TANC2: variants seen among roughly 807,000 people sequenced by gnomAD.
TANC2 encodes protein TANC2.
Under a neutral mutation model 210.5 loss-of-function variants are expected in TANC2, and 26 were observed. The observed-to-expected ratio is 0.12, with a 90% CI of 0.09 to 0.17. TANC2 has a LOEUF of 0.17. Ranked by LOEUF, TANC2 falls within the 10% of genes least tolerant of loss-of-function variation. The pLI is 1.00. For missense variants in TANC2, 2,129 were observed against 2,608.9 expected, an observed-to-expected ratio of 0.82 and a Z score of 4.01; for synonymous variants, 931 against 967.1, an observed-to-expected ratio of 0.96 and a Z score of 0.69.
chr17:63,213,457 C>A (rs1008463718), intron 7 of TANC2, among the ~76,000 whole-genome samples: 3 of 152,106 alleles, frequency 2.0e-5, no homozygotes, highest in Non-Finnish European at 4.4e-5. Context: ...AATTACAGAG[C>A]CAGCTGACCA....
intron 2 of TANC2, among the ~76,000 whole-genome samples, chr17:63,035,752 GTA>G (rs1310651861): frequency 1.3e-5 from 2 of 152,218 alleles, no homozygotes; most frequent in African/African-American, 2.4e-5. Context: ...TCATGTGGTA[GTA>G]TATGTTTAAC....
chr17:63,056,229 A>AT (rs11332954), intron 2 of TANC2, among the ~76,000 whole-genome samples: 14 of 146,658 alleles, frequency 9.5e-5, no homozygotes, highest in South Asian at 8.6e-4. Flanking sequence ...GATTTTAATT[A>AT]TTTTTTTTAA....
chr17:63,078,314 G>T (rs932080839), intron 3 of TANC2, among the ~76,000 whole-genome samples: 2 of 152,034 alleles, frequency 1.3e-5, no homozygotes, highest in Non-Finnish European at 2.9e-5. Flanking sequence ...CTTTCTCACT[G>T]TCCTGATCAT....
Position 63,139,777 on chromosome 17 carries a change from G to A in TANC2, c.323-11493G>A, listed in dbSNP as rs180676376. On this transcript the variant is annotated intron_variant, in intron 4 of 27. Coordinates refer to ENST00000689528, the Ensembl canonical transcript of TANC2. ...AAATTAGCTGGGTGTGGTGGCATGC[G>A]CCTGTAACGCCAGCTACTCAGGAGG... 1.9e-3 allele frequency among the ~76,000 whole-genome samples: 290 copies of A among 152,244 alleles called. 3 individuals are homozygous for A. The highest frequency in any genetic ancestry group is 6.7e-3 in the African/African-American group (279 of 41,558).
chr17:63,420,609 C>T lies in TANC2; in HGVS notation c.4879C>T (p.Arg1627Trp), dbSNP rs769530509. The T allele has an allele frequency of 1.3e-5, 21 of 1,613,886 alleles. No homozygotes were observed. Among genetic ancestry groups the T allele is most frequent in the East Asian group, 4.5e-5 (2 of 44,872 alleles). The change falls in exon 28 of 28, where the codon CGG becomes TGG. Residue 1627 changes from arginine (R) to tryptophan (W), a missense_variant. By Grantham distance (101) the Arg-to-Trp change is moderately radical (BLOSUM62 -3). Transcript: ENST00000689528. This position sits in a 1 kb window ranked among gnomAD's most constrained non-coding sequence, Gnocchi z 4.2. ...CCCTCTCCGGAGAGGCCCTCAGTAT[C>T]GGGCCAGCCCTCCAGCTGAAAGTAT...
At chr17:63,200,269 C>T (rs2041482499) in intron 6 of TANC2, among the ~76,000 whole-genome samples, 1 of 148,330 alleles carries the variant, frequency 6.7e-6, no homozygotes, top group African/African-American at 2.5e-5. Flanking sequence ...GCAGGAGAAT[C>T]GCTTGAACCT....
chr17:63,102,628 C>T (rs1326930519), intron 4 of TANC2, among the ~76,000 whole-genome samples: 9 of 151,488 alleles, frequency 5.9e-5, no homozygotes, highest in Admixed American at 4.6e-4. Context: ...CCCCTCCTCC[C>T]TCCCCCCACC....
intron 3 of TANC2, among the ~76,000 whole-genome samples, chr17:63,080,390 T>G (rs75042932): frequency 0.016 from 2,405 of 152,328 alleles, 37 homozygotes; most frequent in Non-Finnish European, 0.019. Context: ...TGAAACCCAG[T>G]TTTTATTTTC....
chr17:63,027,903 G>T (rs1041233684), intron 2 of TANC2, among the ~76,000 whole-genome samples: 1 of 151,768 alleles, frequency 6.6e-6, no homozygotes, highest in African/African-American at 2.4e-5. Flanking sequence ...AACAAGTTCC[G>T]CACTCCCCCA....
chr17:63,153,808 GA>G (rs1225207254), intron 5 of TANC2: 1 of 152,138 alleles, frequency 6.6e-6, no homozygotes, highest in Non-Finnish European at 1.5e-5. Flanking sequence ...TTGTGTCTGA[GA>G]AATAGACTTA....
chr17:63,345,287 T>C (rs1201028950), intron 12 of TANC2, among the ~76,000 whole-genome samples: 1 of 152,210 alleles, frequency 6.6e-6, no homozygotes, highest in East Asian at 1.9e-4. Context: ...AAATGAGGAT[T>C]GGAAGATGTC....
chr17:63,322,462 C>T (rs987248486), intron 11 of TANC2, among the ~76,000 whole-genome samples: 7 of 152,138 alleles, frequency 4.6e-5, no homozygotes, highest in African/African-American at 1.7e-4. Context: ...CGCACCACTG[C>T]ACTCCAGCCT....
Position 63,421,984 on chromosome 17 carries a change from T to C in TANC2, c.*29T>C. 1 of 1,556,278 alleles carries C rather than the reference T, an allele frequency of 6.4e-7. No individual in the cohort carries two copies. Among genetic ancestry groups the C allele is most frequent in the Non-Finnish European group, 8.7e-7 (1 of 1,152,702 alleles). ...ACGTTTTGTTGGAGTGAGACCCATA[T>C]GTTTTCACTGCACATTTTCAGGCTT... is the stretch of plus-strand genomic sequence containing the variant. On this transcript the variant is annotated 3_prime_UTR_variant, in exon 28 of 28. Coordinates refer to ENST00000689528, the Ensembl canonical transcript of TANC2. This position sits in a 1 kb window ranked among gnomAD's most constrained non-coding sequence, Gnocchi z 6.9.
At chr17:63,263,114 G>A (rs192458037) in intron 8 of TANC2, among the ~76,000 whole-genome samples, 7 of 152,114 alleles carry the variant, frequency 4.6e-5, no homozygotes, top group African/African-American at 1.4e-4. Flanking sequence ...AACATAAAGC[G>A]TGTGTATTGT....
intron 8 of TANC2, among the ~76,000 whole-genome samples, chr17:63,260,728 C>T (rs965403282): frequency 1.3e-5 from 2 of 151,308 alleles, no homozygotes; most frequent in Non-Finnish European, 2.9e-5. Context: ...CACCACTGCA[C>T]TCTAGCCTGG....
At chr17:63,258,912 A>G (rs1219406727) in intron 8 of TANC2, among the ~76,000 whole-genome samples, 1 of 152,058 alleles carries the variant, frequency 6.6e-6, no homozygotes, top group Non-Finnish European at 1.5e-5. Flanking sequence ...GTCCTCCCTC[A>G]AAAAGGGAAT....
chr17:63,170,149 G>A (rs763019016), intron 5 of TANC2, among the ~76,000 whole-genome samples: 6 of 138,152 alleles, frequency 4.3e-5, no homozygotes, highest in Non-Finnish European at 6.3e-5. Flanking sequence ...ATTTATTGGC[G>A]GGGCATGGTG....
At chr17:62,969,898 A>G (rs755785919) in intron 1 of TANC2, among the ~76,000 whole-genome samples, 22 of 152,198 alleles carry the variant, frequency 1.4e-4, no homozygotes, top group African/African-American at 4.8e-4. Flanking sequence ...TTAGATGCCT[A>G]TGTACATTTT....
intron 2 of TANC2, among the ~76,000 whole-genome samples, chr17:63,049,184 A>G: frequency 6.6e-6 from 1 of 152,204 alleles, no homozygotes; most frequent in East Asian, 1.9e-4. Context: ...TATGTGTCAG[A>G]TACTATTCTA....
Sources: gnomAD v4.1 joint callset for allele counts (sites outside exome capture counted in the v4.1 genomes callset) on GRCh38, gnomAD v4.1.1 for gene constraint, Gnocchi (gnomAD v3.1) non-coding constraint, MANE v1.5 for transcripts, NCBI Gene and HGNC (gene_info 2026-07-23, HGNC 2026-07-21) for gene names.